The following ZFAT variants were observed in gnomAD, a reference collection of about 807,000 sequenced individuals.
ZFAT encodes zinc finger protein ZFAT.
A neutral mutation model predicts 117.7 loss-of-function variants in ZFAT; 64 were observed. The observed-to-expected ratio is 0.54, with a 90% CI of 0.44 to 0.67. ZFAT has a LOEUF of 0.67. Ranked by LOEUF, ZFAT falls within the 30% of genes least tolerant of loss-of-function variation. ZFAT has a pLI of 0.00. For missense variants in ZFAT, 1,433 were observed against 1,584.5 expected, an observed-to-expected ratio of 0.90 and a Z score of 1.62; for synonymous variants, 679 against 615.0, an observed-to-expected ratio of 1.10 and a Z score of -1.54.
chr8:134,489,586 T>G (rs1280695217), intron 15 of ZFAT, among the ~76,000 whole-genome samples: 1 of 152,144 alleles, frequency 6.6e-6, no homozygotes, highest in Non-Finnish European at 1.5e-5. Flanking sequence ...CTCTGCCGCA[T>G]CTGTCTCCGC....
chr8:134,744,392 T>A, the ZFAT span, among the ~76,000 whole-genome samples: 1 of 150,068 alleles, frequency 6.7e-6, no homozygotes, highest in Non-Finnish European at 1.5e-5. Flanking sequence ...GCCTTGCAGG[T>A]TCAAGCAATT....
At chr8:134,729,828 A>G in the ZFAT span, among the ~76,000 whole-genome samples, 1 of 152,190 alleles carries the variant, frequency 6.6e-6, no homozygotes, top group Non-Finnish European at 1.5e-5. Flanking sequence ...CCCCGTTTGT[A>G]AAACAAAACT....
At position 134,607,454 on chromosome 8, in the gene ZFAT, TAGAC is replaced by T. The variant is rs1184553902; in HGVS notation, c.785+1271_785+1274del. Among the ~76,000 whole-genome samples, 7 of 152,374 alleles carry T rather than the reference TAGAC, an allele frequency of 4.6e-5. No individual in the cohort carries two copies. The East Asian group carries it at 1.2e-3, about 25-fold the overall frequency. On this transcript the variant is annotated intron_variant, in intron 5 of 15. Coordinates refer to ENST00000377838, the MANE Select transcript of ZFAT (RefSeq NM_020863.4). ...TCTCACTACTAAACTAAAATTCTAT[TAGAC>T]AGTCTTAAAATTGTGCAACAAATGT...
chr8:134,822,855 C>T, the ZFAT span, among the ~76,000 whole-genome samples: 2 of 152,016 alleles, frequency 1.3e-5, no homozygotes, highest in African/African-American at 2.4e-5. Context: ...GATTAAAAAG[C>T]GGCTTCATTG....
At chr8:134,820,282 T>A in the ZFAT span, among the ~76,000 whole-genome samples, 1 of 152,200 alleles carries the variant, frequency 6.6e-6, no homozygotes. Flanking sequence ...AGGGATGAGA[T>A]GGAGGTCAGG....
intron 10 of ZFAT, among the ~76,000 whole-genome samples, chr8:134,569,998 G>A (rs1032491947): frequency 6.6e-5 from 10 of 152,132 alleles, no homozygotes; most frequent in African/African-American, 2.4e-4. Context: ...CAGAGCAAAA[G>A]CCAAGAGCTT....
chr8:134,539,198 GA>G (rs1822063396), intron 11 of ZFAT, among the ~76,000 whole-genome samples: 2 of 152,188 alleles, frequency 1.3e-5, no homozygotes, highest in South Asian at 4.1e-4. Flanking sequence ...GGACCTAGAG[GA>G]ATGTTTGAAA....
chr8:134,581,453 C>T (rs1460633197), intron 10 of ZFAT, among the ~76,000 whole-genome samples: 11 of 152,156 alleles, frequency 7.2e-5, no homozygotes, highest in South Asian at 2.1e-4. Flanking sequence ...ACCCAAGAAA[C>T]GTGAAGGTAT....
intron 11 of ZFAT, 44 bp downstream of exon 11, chr8:134,565,289 C>T (rs534577081): frequency 1.9e-6 from 3 of 1,610,610 alleles, no homozygotes; most frequent in East Asian, 2.2e-5. Flanking sequence ...AAAGCAACGC[C>T]TTTTTTGTCT....
chr8:134,561,421 T>C (rs1824042404), intron 11 of ZFAT, among the ~76,000 whole-genome samples: 1 of 152,124 alleles, frequency 6.6e-6, no homozygotes, highest in Admixed American at 6.5e-5. Context: ...TAGGCACCGA[T>C]TTCCATCAAA....
intron 3 of ZFAT, among the ~76,000 whole-genome samples, chr8:134,633,582 G>A (rs373878874): frequency 2.6e-5 from 4 of 152,272 alleles, no homozygotes; most frequent in African/African-American, 9.6e-5. Context: ...ATGACAACAA[G>A]TAACACTGTT....
chr8:134,610,184 C>CTAG (rs113962045), intron 4 of ZFAT, among the ~76,000 whole-genome samples: 9,853 of 152,238 alleles, frequency 0.065, 1,088 homozygotes, highest in African/African-American at 0.22. Context: ...ACGAAGAAAA[C>CTAG]TAACTGCTCC....
At chr8:134,795,943 G>T in the ZFAT span, 1 of 152,148 alleles carries the variant, frequency 6.6e-6, no homozygotes, top group Non-Finnish European at 1.5e-5. Flanking sequence ...ATATTTTGGG[G>T]TATTGATTTC....
intron 11 of ZFAT, among the ~76,000 whole-genome samples, chr8:134,542,592 C>T (rs1358692020): frequency 6.6e-6 from 1 of 152,200 alleles, no homozygotes; most frequent in African/African-American, 2.4e-5. Context: ...GGATAATGGC[C>T]TCCAGCTTGA....
At chr8:134,696,755 G>A (rs895929088) in intron 1 of ZFAT, among the ~76,000 whole-genome samples, 1 of 152,154 alleles carries the variant, frequency 6.6e-6, no homozygotes, top group Non-Finnish European at 1.5e-5. Context: ...GCTGGTAGCC[G>A]CCCCCACCCA....
At chr8:134,795,829 C>G in the ZFAT span, 1 of 152,208 alleles carries the variant, frequency 6.6e-6, no homozygotes, top group Non-Finnish European at 1.5e-5. Context: ...CTTTGGTGAA[C>G]AGCCTCATCT....
chr8:134,750,417 T>C, the ZFAT span, among the ~76,000 whole-genome samples: 1 of 152,032 alleles, frequency 6.6e-6, no homozygotes, highest in Non-Finnish European at 1.5e-5. Context: ...GTTTTTTCCT[T>C]ACAACTCTTG....
the ZFAT span, among the ~76,000 whole-genome samples, chr8:134,815,194 C>T: frequency 7.9e-5 from 12 of 152,294 alleles, no homozygotes; most frequent in South Asian, 2.5e-3. Flanking sequence ...CTATGCTAGT[C>T]AATTGCCACA....
intron 7 of ZFAT, chr8:134,598,911 G>A (rs12549256): frequency 0.1 from 15,537 of 152,216 alleles, 1,045 homozygotes; most frequent in East Asian, 0.36. Context: ...GGCTAAACAC[G>A]TGGTAAATAG....
Sources: gnomAD v4.1 joint callset for allele counts (sites outside exome capture counted in the v4.1 genomes callset) on GRCh38, gnomAD v4.1.1 for gene constraint, MANE v1.5 for transcripts, NCBI Gene and HGNC (gene_info 2026-07-23, HGNC 2026-07-21) for gene names.